Variants in SLCO1B1 observed in about 807,000 individuals in gnomAD.
The protein encoded by SLCO1B1 is solute carrier organic anion transporter family member 1B1, also known as OATP-2.
SLCO1B1 carries 81 observed loss-of-function variants against 70.1 expected under a neutral mutation model. That is an observed-to-expected ratio of 1.16 (90% CI 0.97 to 1.39). SLCO1B1 has a LOEUF of 1.39. Among genes scored for constraint, SLCO1B1 ranks in the 40% most tolerant of loss-of-function variants. The pLI is 0.00. For missense variants in SLCO1B1, 895 were observed against 799.6 expected, an observed-to-expected ratio of 1.12 and a Z score of -1.44; for synonymous variants, 283 against 271.5, an observed-to-expected ratio of 1.04 and a Z score of -0.42.
chr12:21,211,295 T>C (rs1377773834), intron 11 of SLCO1B1, among the ~76,000 whole-genome samples: 9 of 151,838 alleles, frequency 5.9e-5, no homozygotes, highest in African/African-American at 1.9e-4. Flanking sequence ...TGTCAAAGGC[T>C]TTTTCTGCAT....
intron 7 of SLCO1B1, among the ~76,000 whole-genome samples, chr12:21,182,476 G>C (rs1440040025): frequency 6.6e-6 from 1 of 152,202 alleles, no homozygotes; most frequent in Admixed American, 6.5e-5. Flanking sequence ...TCTGAGCGAA[G>C]AGACAGCGGG....
intron 11 of SLCO1B1, among the ~76,000 whole-genome samples, chr12:21,206,243 G>A (rs185479358): frequency 2.2e-4 from 33 of 151,816 alleles, no homozygotes; most frequent in Non-Finnish European, 4.4e-4. Flanking sequence ...TCTGTTACTT[G>A]AATTCTAATT....
chr12:21,187,648 T>C (rs538844540), intron 7 of SLCO1B1, among the ~76,000 whole-genome samples: 1 of 149,048 alleles, frequency 6.7e-6, no homozygotes, highest in East Asian at 2.1e-4. Context: ...TTACACCATT[T>C]AAGATGCTAT....
intron 8 of SLCO1B1, among the ~76,000 whole-genome samples, chr12:21,199,767 T>C (rs1250314549): frequency 6.6e-6 from 1 of 151,878 alleles, no homozygotes; most frequent in Non-Finnish European, 1.5e-5. Context: ...TATTCACTTT[T>C]TGTTTGTTTG....
chr12:21,208,706 T>G (rs1281397525), intron 11 of SLCO1B1, among the ~76,000 whole-genome samples: 1 of 152,114 alleles, frequency 6.6e-6, no homozygotes, highest in African/African-American at 2.4e-5. Context: ...ATCTGTAGAT[T>G]GCTTTGGGCA....
intron 1 of SLCO1B1, among the ~76,000 whole-genome samples, chr12:21,138,140 G>C (rs1052415696): frequency 6.6e-6 from 1 of 152,186 alleles, no homozygotes; most frequent in African/African-American, 2.4e-5. Flanking sequence ...TAAGAAGTTA[G>C]CAAATGCTGT....
At position 21,133,911 on chromosome 12, in the gene SLCO1B1, C is replaced by T. The variant is rs565588378; in HGVS notation, c.-62+2675C>T. Among the ~76,000 whole-genome samples the T allele has an allele frequency of 8.5e-4, 129 of 152,098 alleles. 1 individual carries two copies. In the South Asian group the frequency reaches 0.014, roughly 16 times the overall value. ...AGAGAGGGCATCCCTGTCTTGTGCC[C>T]GTTTTCAAAGGGAATGCTTCCAGTT... On this transcript the variant is annotated intron_variant, in intron 1 of 14. Coordinates refer to ENST00000256958, the MANE Select transcript of SLCO1B1 (RefSeq NM_006446.5).
intron 4 of SLCO1B1, 134 bp downstream of exon 4, chr12:21,174,843 A>G: frequency 1.2e-6 from 1 of 811,986 alleles, no homozygotes. Flanking sequence ...TACAGAAATG[A>G]AATAGTGTCT....
chr12:21,197,141 C>T lies in SLCO1B1; in HGVS notation c.923C>T (p.Thr308Ile). ...VLETNDEKDQ[T>I]ANLTNQGKNI... ...GAAACAAATGATGAAAAGGATCAAA[C>T]AGCTAATTTGACCAATCAAGGAAAA... is the stretch of plus-strand genomic sequence containing the variant. Residue 308 changes from threonine to isoleucine, a missense_variant, in exon 8 of 15, where the codon ACA (threonine) becomes ATA (isoleucine). By Grantham distance (89) the Thr-to-Ile change is moderately conservative. Transcript: ENST00000256958. 2 of 1,613,352 alleles carry T rather than the reference C, an allele frequency of 1.2e-6. No homozygotes were observed. The highest frequency in any genetic ancestry group is 1.7e-6 in the Non-Finnish European group (2 of 1,179,468).
rs755288072 is a variant in SLCO1B1, at chr12:21,178,732, A to G, written c.628+10A>G. On this transcript the variant is annotated intron_variant, in intron 6 of 14. Coordinates refer to ENST00000256958, the MANE Select transcript of SLCO1B1 (RefSeq NM_006446.5). ...TCTTCTTTGTATTTAGGTAATGTAC[A>G]CAAAATATTAAATTGTATGATCACT... 1.3e-6 allele frequency: 2 copies of G among 1,592,710 alleles called. No homozygotes were observed. Among genetic ancestry groups the G allele is most frequent in the South Asian group, 2.2e-5 (2 of 90,834 alleles).
At chr12:21,149,922 C>G (rs1024467976) in intron 2 of SLCO1B1, among the ~76,000 whole-genome samples, 7 of 152,132 alleles carry the variant, frequency 4.6e-5, no homozygotes, top group Admixed American at 3.3e-4. Flanking sequence ...ATCCCACCCC[C>G]ATAGAGCCCA....
At chr12:21,180,845 C>T (rs1313768796) in intron 7 of SLCO1B1, among the ~76,000 whole-genome samples, 1 of 152,116 alleles carries the variant, frequency 6.6e-6, no homozygotes, top group Non-Finnish European at 1.5e-5. Context: ...ATTTTATAAG[C>T]TCTCTAAATA....
At position 21,174,572 on chromosome 12, in the gene SLCO1B1, T is replaced by G; in HGVS notation, c.227-5T>G. On this transcript the variant is annotated splice_region_variant and splice_polypyrimidine_tract_variant and intron_variant, in intron 3 of 14. Transcript: ENST00000256958. ...TGTATCAACATAATTTTGTTCCCTT[T>G]CTAGGAAATTTGCTTGTGATTGTAT... 6.2e-7 allele frequency: 1 copy of G among 1,613,160 alleles called. No homozygotes were observed. Among genetic ancestry groups the G allele is most frequent in the Non-Finnish European group, 8.5e-7 (1 of 1,179,510 alleles).
rs776756357 is a variant in SLCO1B1 at position 21,197,156 on chromosome 12, A to G, written c.938A>G (p.Asn313Ser). 8 of 1,613,402 alleles carry G rather than the reference A, an allele frequency of 5.0e-6. No individual in the cohort carries two copies. The highest frequency in any genetic ancestry group is 6.8e-6 in the Non-Finnish European group (8 of 1,179,612). ...AAGGATCAAACAGCTAATTTGACCAATCAAGGAAAAAATATTACCAAAAAT... is the reference window on the plus strand; with the variant it reads ...AAGGATCAAACAGCTAATTTGACCAGTCAAGGAAAAAATATTACCAAAAAT... ...DEKDQTANLT[N>S]QGKNITKNVT... Residue 313 changes from asparagine (N) to serine (S), a missense_variant, in exon 8 of 15, where the codon AAT becomes AGT. By Grantham distance (46) the Asn-to-Ser change is conservative. Coordinates refer to ENST00000256958, the MANE Select transcript of SLCO1B1 (RefSeq NM_006446.5).
intron 6 of SLCO1B1, 51 bp from the exon 7 acceptor site, chr12:21,178,871 A>G (rs1419980928): frequency 7.0e-7 from 1 of 1,425,176 alleles, no homozygotes. Context: ...CATGGTGAAT[A>G]AGAACCATGC....
Position 21,182,636 on chromosome 12 carries a change from A to C in SLCO1B1, c.727+3616A>C, listed in dbSNP as rs190981734. On this transcript the variant is annotated intron_variant, in intron 7 of 14. Coordinates refer to ENST00000256958, the MANE Select transcript of SLCO1B1 (RefSeq NM_006446.5). ...CCTGAGGGTTTTTTCAAGGACCCCC[A>C]CCTGAGTACTTCCTCAGTATCCTTG... 6.2e-3 allele frequency among the ~76,000 whole-genome samples: 944 copies of C among 152,194 alleles called. 6 individuals carry two copies. The highest frequency in any genetic ancestry group is 0.021 in the African/African-American group (889 of 41,524).
At chr12:21,174,924 A>T (rs1042193461) in intron 4 of SLCO1B1, among the ~76,000 whole-genome samples, 2 of 152,234 alleles carry the variant, frequency 1.3e-5, no homozygotes, top group Non-Finnish European at 2.9e-5. Flanking sequence ...ACTAAACTGT[A>T]GAGTTTCAAA....
intron 4 of SLCO1B1, 107 bp downstream of exon 4, chr12:21,174,816 G>T (rs1372154439): frequency 1.9e-6 from 2 of 1,063,152 alleles, no homozygotes; most frequent in Non-Finnish European, 2.8e-6. Context: ...CTTTTGAGAA[G>T]ATACCCACTA....
At chr12:21,174,006 C>A (rs2121100142) in intron 3 of SLCO1B1, among the ~76,000 whole-genome samples, 1 of 152,112 alleles carries the variant, frequency 6.6e-6, no homozygotes, top group East Asian at 1.9e-4. Context: ...ATCCACCCAC[C>A]TCAGCCTCCT....
Sources: allele counts gnomAD v4.1 joint callset (sites outside exome capture counted in the v4.1 genomes callset), GRCh38; gene constraint gnomAD v4.1.1; transcripts MANE v1.5; gene names NCBI Gene and HGNC (gene_info 2026-07-23, HGNC 2026-07-21).